Variants in IL1RAPL2 observed in about 807,000 individuals in gnomAD.
IL1RAPL2 encodes the protein X-linked interleukin-1 receptor accessory protein-like 2.
A neutral mutation model predicts 44.1 loss-of-function variants in IL1RAPL2; 3 were observed. The observed-to-expected ratio is 0.07, with a 90% confidence interval of 0.03 to 0.18. The LOEUF is 0.18. Among genes scored for constraint, IL1RAPL2 ranks in the 10% least tolerant of loss-of-function variants. IL1RAPL2 has a pLI of 1.00. For synonymous variants in IL1RAPL2, 181 were observed against 178.8 expected, an observed-to-expected ratio of 1.01 and a Z score of -0.10; for missense variants, 391 against 496.4, an observed-to-expected ratio of 0.79 and a Z score of 2.02.
intron 6 of IL1RAPL2, among the ~76,000 whole-genome samples, chrX:105,702,043 A>G (rs892035889): frequency 1.8e-5 from 2 of 111,764 alleles, no homozygotes; most frequent in Non-Finnish European, 3.8e-5. Flanking sequence ...TTTTCTTATT[A>G]CTACTCATTT....
chrX:104,842,493 A>G (rs181267371), intron 2 of IL1RAPL2, among the ~76,000 whole-genome samples: 12 of 111,454 alleles, frequency 1.1e-4, no homozygotes, highest in Non-Finnish European at 1.9e-4. Flanking sequence ...AATTTTCAGC[A>G]TTTTTGCACT....
intron 9 of IL1RAPL2, among the ~76,000 whole-genome samples, chrX:105,754,502 G>A (rs769560054): frequency 1.8e-5 from 2 of 112,528 alleles, no homozygotes; most frequent in Non-Finnish European, 3.8e-5. Context: ...AATACTGGAC[G>A]GATGTATATT....
intron 6 of IL1RAPL2, among the ~76,000 whole-genome samples, chrX:105,700,117 A>G (rs2038107811): frequency 9.0e-6 from 1 of 111,571 alleles, no homozygotes; most frequent in Non-Finnish European, 1.9e-5. Flanking sequence ...AATTCTCCCA[A>G]GGATATAGAA....
chrX:104,845,060 C>T (rs1331434199), intron 2 of IL1RAPL2, among the ~76,000 whole-genome samples: 1 of 111,986 alleles, frequency 8.9e-6, no homozygotes, highest in Non-Finnish European at 1.9e-5. Flanking sequence ...TCTCTTCAAA[C>T]TTTAAAGCTA....
At chrX:104,746,409 C>T (rs1932176168) in intron 2 of IL1RAPL2, among the ~76,000 whole-genome samples, 1 of 111,733 alleles carries the variant, frequency 8.9e-6, no homozygotes, top group South Asian at 3.7e-4. Context: ...GAATCTAAAT[C>T]AGAACGCCAC....
At chrX:104,933,120 A>G (rs1924945211) in intron 2 of IL1RAPL2, among the ~76,000 whole-genome samples, 1 of 111,951 alleles carries the variant, frequency 8.9e-6, no homozygotes, top group Non-Finnish European at 1.9e-5. Flanking sequence ...TCAGCGAACC[A>G]CTCATACCAT....
chrX:105,220,039 G>A lies in IL1RAPL2; in HGVS notation c.357-13779G>A, dbSNP rs782191180. ...CCGGGAGGCCGCCTCCTTGCGTTCCGTCTCCTGCTGCTCCCTGAGCTTCTT... is the reference window on the plus strand; with the variant it reads ...CCGGGAGGCCGCCTCCTTGCGTTCCATCTCCTGCTGCTCCCTGAGCTTCTT... On this transcript the variant is annotated intron_variant, in intron 3 of 10. Coordinates refer to ENST00000372582, the MANE Select transcript of IL1RAPL2 (RefSeq NM_017416.2). 26 of 1,210,165 alleles carry A rather than the reference G, an allele frequency of 2.1e-5. No individual in the cohort carries two copies. The South Asian group carries it at 2.8e-4, about 13-fold the overall frequency.
chrX:105,051,088 C>G (rs1236261050), intron 2 of IL1RAPL2, among the ~76,000 whole-genome samples: 1 of 112,742 alleles, frequency 8.9e-6, no homozygotes, highest in Admixed American at 9.3e-5. Context: ...GGACTGGCAG[C>G]TGGGCCCTCA....
chrX:104,897,501 A>G (rs971272568), intron 2 of IL1RAPL2, among the ~76,000 whole-genome samples: 3 of 112,195 alleles, frequency 2.7e-5, no homozygotes, highest in Non-Finnish European at 5.6e-5. Flanking sequence ...CTACTGGTCA[A>G]AATGCTCACA....
In IL1RAPL2 at chrX:105,638,424, G is replaced by A. The variant is rs184896822; in HGVS notation, c.773-78943G>A. Among the ~76,000 whole-genome samples the A allele has an allele frequency of 4.7e-4, 52 of 111,100 alleles. 1 individual carries two copies. Among genetic ancestry groups the A allele is most frequent in the Non-Finnish European group, 6.6e-4 (35 of 52,910 alleles). On this transcript the variant is annotated intron_variant, in intron 6 of 10. Coordinates refer to ENST00000372582, the MANE Select transcript of IL1RAPL2 (RefSeq NM_017416.2). ...ATGGTTTACCAGTCTGAAGGAGGAAGACAACCTTTTACCTCAAAAATTATA... is the reference window on the plus strand; with the variant it reads ...ATGGTTTACCAGTCTGAAGGAGGAAAACAACCTTTTACCTCAAAAATTATA...
chrX:105,104,057 T>C (rs2032705871), intron 2 of IL1RAPL2, among the ~76,000 whole-genome samples: 1 of 111,301 alleles, frequency 9.0e-6, no homozygotes, highest in Non-Finnish European at 1.9e-5. Flanking sequence ...TGGCAAACAG[T>C]ATTTTGTTCA....
chrX:104,610,596 G>A (rs914281198), intron 1 of IL1RAPL2, among the ~76,000 whole-genome samples: 1 of 111,702 alleles, frequency 9.0e-6, no homozygotes, highest in Non-Finnish European at 1.9e-5. Context: ...TCTTGAAGGA[G>A]AACTACAAAC....
At chrX:105,724,868 C>T (rs2038337384) in intron 7 of IL1RAPL2, among the ~76,000 whole-genome samples, 1 of 111,229 alleles carries the variant, frequency 9.0e-6, no homozygotes, top group Admixed American at 9.6e-5. Flanking sequence ...GGAACTGCTG[C>T]AAAGGAGGAT....
At chrX:105,700,702 G>T (rs1050039102) in intron 6 of IL1RAPL2, among the ~76,000 whole-genome samples, 1 of 111,086 alleles carries the variant, frequency 9.0e-6, no homozygotes, top group African/African-American at 3.3e-5. Flanking sequence ...TTTATTATTG[G>T]TCTAGAACTT....
At chrX:105,028,587 C>A (rs771333336) in intron 2 of IL1RAPL2, among the ~76,000 whole-genome samples, 1 of 111,348 alleles carries the variant, frequency 9.0e-6, no homozygotes, top group South Asian at 3.8e-4. Context: ...GTGTGAGTAG[C>A]ACCATGAGGA....
intron 5 of IL1RAPL2, among the ~76,000 whole-genome samples, chrX:105,343,471 T>G (rs1042634215): frequency 2.7e-5 from 3 of 112,071 alleles, no homozygotes; most frequent in African/African-American, 9.7e-5. Flanking sequence ...AAACTTAATA[T>G]TATATCATAA....
chrX:105,548,422 G>T (rs766034050), intron 6 of IL1RAPL2, among the ~76,000 whole-genome samples: 19 of 111,230 alleles, frequency 1.7e-4, no homozygotes, highest in Admixed American at 2.9e-4. Flanking sequence ...AACATTTCAG[G>T]CAGAGTAAAC....
chrX:104,909,824 T>G (rs1179355084), intron 2 of IL1RAPL2, among the ~76,000 whole-genome samples: 1 of 112,431 alleles, frequency 8.9e-6, no homozygotes, highest in Non-Finnish European at 1.9e-5. Flanking sequence ...CCCCTAGAGG[T>G]GGAGCCTACA....
At chrX:104,949,944 G>C (rs1436177894) in intron 2 of IL1RAPL2, among the ~76,000 whole-genome samples, 2 of 111,050 alleles carry the variant, frequency 1.8e-5, no homozygotes, top group Non-Finnish European at 3.8e-5. Flanking sequence ...TCTGCTTGGT[G>C]CAGAGCTGAG....
Sources: gnomAD v4.1 joint callset for allele counts (sites outside exome capture counted in the v4.1 genomes callset) on GRCh38, gnomAD v4.1.1 for gene constraint, MANE v1.5 for transcripts, NCBI Gene and HGNC (gene_info 2026-07-23, HGNC 2026-07-21) for gene names.